ADAMTS3: variants seen among roughly 807,000 people sequenced by gnomAD.
ADAMTS3 encodes the protein ADAM metallopeptidase with thrombospondin type 1 motif 3.
ADAMTS3 carries 73 observed loss-of-function variants against 129.0 expected under a neutral mutation model. That is an observed-to-expected ratio of 0.57 (90% confidence interval 0.47 to 0.69). The LOEUF (loss-of-function observed/expected upper bound fraction) is 0.69, where lower values mean the gene tolerates loss of function less well. ADAMTS3 is among the 30% of genes least tolerant of loss of function. The pLI is 0.00. For missense variants in ADAMTS3, 1,457 were observed against 1,514.5 expected, an observed-to-expected ratio of 0.96 and a Z score of 0.63; for synonymous variants, 477 against 510.8, an observed-to-expected ratio of 0.93 and a Z score of 0.89.
intron 19 of ADAMTS3, among the ~76,000 whole-genome samples, chr4:72,292,669 C>T (rs1480371505): frequency 6.6e-6 from 1 of 152,186 alleles, no homozygotes; most frequent in African/African-American, 2.4e-5. Flanking sequence ...CCATTGACTC[C>T]ATCTGGTTAT....
chr4:72,450,772 T>G (rs1198913864), intron 3 of ADAMTS3, among the ~76,000 whole-genome samples: 4 of 151,566 alleles, frequency 2.6e-5, no homozygotes, highest in African/African-American at 9.7e-5. Flanking sequence ...CGAGCATCTC[T>G]CACACCTGTC....
At chr4:72,470,116 A>G (rs1444597352) in intron 3 of ADAMTS3, among the ~76,000 whole-genome samples, 1 of 151,990 alleles carries the variant, frequency 6.6e-6, no homozygotes, top group Non-Finnish European at 1.5e-5. Flanking sequence ...AAGTTTGTAT[A>G]CAAGATGAGA....
chr4:72,455,311 C>T (rs377000202), intron 3 of ADAMTS3, among the ~76,000 whole-genome samples: 1 of 151,590 alleles, frequency 6.6e-6, no homozygotes. Flanking sequence ...AAGATAGGTT[C>T]ATGTCCTTTG....
chr4:72,371,024 C>A (rs1308605980), intron 4 of ADAMTS3, among the ~76,000 whole-genome samples: 1 of 151,968 alleles, frequency 6.6e-6, no homozygotes, highest in Non-Finnish European at 1.5e-5. Context: ...ATAGAGAGAA[C>A]ATGTGAAGAG....
intron 3 of ADAMTS3, among the ~76,000 whole-genome samples, chr4:72,504,982 T>C (rs1481815275): frequency 1.3e-5 from 2 of 152,238 alleles, no homozygotes; most frequent in African/African-American, 4.8e-5. Flanking sequence ...AAGATTTCTT[T>C]GTGTTGATTT....
Position 72,313,725 on chromosome 4 carries a change from G to T in ADAMTS3, c.1697C>A (p.Thr566Lys), listed in dbSNP as rs750241294. 4 of 1,613,758 alleles carry T rather than the reference G, an allele frequency of 2.5e-6. No homozygotes were observed. The highest frequency in any genetic ancestry group is 3.4e-6 in the Non-Finnish European group (4 of 1,179,870). Residue 566 changes from threonine (T) to lysine (K), a missense_variant, in exon 12 of 22, where the codon ACA (threonine) becomes AAA (lysine). Physicochemically the swap from Thr to Lys is moderately conservative, Grantham distance 78. Coordinates refer to ENST00000286657, the MANE Select transcript of ADAMTS3 (RefSeq NM_014243.3). ...SWTKFGSCSR[T>K]CGTGVRFRTR... Reference sequence around the variant, plus strand: ...TCTGAAACGAACACCAGTTCCACATGTCCGAGAACAGGAGCCAAATTTAGT... The same window carrying T: ...TCTGAAACGAACACCAGTTCCACATTTCCGAGAACAGGAGCCAAATTTAGT...
At chr4:72,321,217 G>A (rs1719546389) in intron 6 of ADAMTS3, among the ~76,000 whole-genome samples, 1 of 152,102 alleles carries the variant, frequency 6.6e-6, no homozygotes, top group African/African-American at 2.4e-5. Flanking sequence ...TCTCACCCAG[G>A]CTGAAGTGCA....
chr4:72,490,564 A>G (rs887690813), intron 3 of ADAMTS3, among the ~76,000 whole-genome samples: 43 of 152,038 alleles, frequency 2.8e-4, no homozygotes, highest in African/African-American at 9.6e-4. Context: ...ATTATTCTGC[A>G]TGTGCATATC....
At chr4:72,384,149 A>G (rs1169814280) in intron 4 of ADAMTS3, among the ~76,000 whole-genome samples, 1 of 152,162 alleles carries the variant, frequency 6.6e-6, no homozygotes, top group Non-Finnish European at 1.5e-5. Context: ...TGAAAATTAT[A>G]AACAGAGTTT....
chr4:72,487,151 G>T (rs1407544670), intron 3 of ADAMTS3, among the ~76,000 whole-genome samples: 1 of 151,950 alleles, frequency 6.6e-6, no homozygotes, highest in African/African-American at 2.4e-5. Context: ...CTCTATAAAA[G>T]GTATGTCAAC....
intron 3 of ADAMTS3, among the ~76,000 whole-genome samples, chr4:72,469,272 A>G (rs1173594264): frequency 6.6e-6 from 1 of 152,142 alleles, no homozygotes; most frequent in Non-Finnish European, 1.5e-5. Flanking sequence ...ATATGAAGAC[A>G]CTATATTACA....
intron 4 of ADAMTS3, among the ~76,000 whole-genome samples, chr4:72,340,015 A>T (rs1720094947): frequency 6.6e-6 from 1 of 152,194 alleles, no homozygotes; most frequent in Admixed American, 6.5e-5. Context: ...GTGGGGGTAC[A>T]GAATACAGGC....
intron 4 of ADAMTS3, among the ~76,000 whole-genome samples, chr4:72,368,077 G>A (rs967262716): frequency 1.3e-5 from 2 of 152,008 alleles, no homozygotes; most frequent in Admixed American, 6.5e-5. Context: ...CAAAATGTAC[G>A]CTAAAACATG....
intron 2 of ADAMTS3, among the ~76,000 whole-genome samples, chr4:72,559,840 C>A (rs932936031): frequency 1.3e-5 from 2 of 151,690 alleles, no homozygotes. Context: ...TTTTAAAAAA[C>A]TATTTTAAAA....
chr4:72,529,902 TAA>T (rs1193311778), intron 3 of ADAMTS3, among the ~76,000 whole-genome samples: 59 of 60,650 alleles, frequency 9.7e-4, no homozygotes, highest in East Asian at 2.0e-3. Flanking sequence ...ATATTATATA[TAA>T]ATAATATATA....
intron 5 of ADAMTS3, among the ~76,000 whole-genome samples, chr4:72,332,044 C>T (rs951601653): frequency 1.3e-5 from 2 of 152,048 alleles, no homozygotes; most frequent in African/African-American, 2.4e-5. Flanking sequence ...CAGGACTTTG[C>T]CTATGGTAGG....
intron 3 of ADAMTS3, among the ~76,000 whole-genome samples, chr4:72,464,096 G>A (rs776225482): frequency 1.2e-4 from 18 of 152,010 alleles, no homozygotes; most frequent in Non-Finnish European, 1.0e-4. Flanking sequence ...CACCTTTCAC[G>A]GTTATGTTGG....
chr4:72,483,597 A>G (rs762960934), intron 3 of ADAMTS3, among the ~76,000 whole-genome samples: 9 of 152,152 alleles, frequency 5.9e-5, no homozygotes, highest in Non-Finnish European at 1.0e-4. Context: ...GTGTAGGACA[A>G]ATCTTCTGTT....
intron 3 of ADAMTS3, among the ~76,000 whole-genome samples, chr4:72,520,594 A>G (rs1720639474): frequency 6.6e-6 from 1 of 152,076 alleles, no homozygotes; most frequent in South Asian, 2.1e-4. Flanking sequence ...TTGATCTCAG[A>G]CTGCCGTGCT....
Sources: allele counts gnomAD v4.1 joint callset (sites outside exome capture counted in the v4.1 genomes callset), GRCh38; gene constraint gnomAD v4.1.1; transcripts MANE v1.5; gene names NCBI Gene and HGNC (gene_info 2026-07-23, HGNC 2026-07-21).